Variants in RASAL2 observed in about 807,000 individuals in gnomAD.
RASAL2 encodes the protein RAS protein activator like 2.
In RASAL2, 58 loss-of-function variants were observed where a neutral mutation model predicts 128.9. The observed-to-expected ratio is 0.45, with a 90% confidence interval of 0.36 to 0.56. The LOEUF (loss-of-function observed/expected upper bound fraction) is 0.56. Ranked by LOEUF, RASAL2 falls within the 20% of genes least tolerant of loss-of-function variation. RASAL2 has a pLI of 0.00. For synonymous variants in RASAL2, 561 were observed against 580.8 expected (o/e 0.97, Z 0.49); for missense variants, 1,360 against 1,601.6 (o/e 0.85, Z 2.57).
chr1:178,387,146 G>A (rs549264589), intron 3 of RASAL2, among the ~76,000 whole-genome samples: 1 of 152,286 alleles, frequency 6.6e-6, no homozygotes, highest in African/African-American at 2.4e-5. Context: ...TTCTACACTA[G>A]CAGGTGAGTG....
intron 1 of RASAL2, among the ~76,000 whole-genome samples, chr1:178,149,738 A>G (rs1660849095): frequency 1.3e-5 from 2 of 152,080 alleles, no homozygotes; most frequent in African/African-American, 4.8e-5. Context: ...TTCTAGATGG[A>G]AGGCAGATTT....
At chr1:178,348,913 C>T (rs964601263) in intron 3 of RASAL2, among the ~76,000 whole-genome samples, 26 of 151,174 alleles carry the variant, frequency 1.7e-4, no homozygotes, top group Non-Finnish European at 5.9e-5. Flanking sequence ...CATTCTCCTG[C>T]CTCAGCCTCC....
At chr1:178,376,851 G>A (rs185672095) in intron 3 of RASAL2, among the ~76,000 whole-genome samples, 8 of 152,036 alleles carry the variant, frequency 5.3e-5, no homozygotes, top group Admixed American at 3.3e-4. Context: ...TTGAGACTCG[G>A]GACTTTTCAA....
At chr1:178,346,443 C>A (rs543929608) in intron 3 of RASAL2, among the ~76,000 whole-genome samples, 79 of 151,746 alleles carry the variant, frequency 5.2e-4, no homozygotes, top group African/African-American at 1.8e-3. Flanking sequence ...GAAAAGAAAT[C>A]GCTATATACA....
intron 1 of RASAL2, among the ~76,000 whole-genome samples, chr1:178,231,885 A>G (rs1664023471): frequency 6.6e-6 from 1 of 152,200 alleles, no homozygotes; most frequent in African/African-American, 2.4e-5. Flanking sequence ...TAATATACAA[A>G]TATGTAGATT....
intron 1 of RASAL2, among the ~76,000 whole-genome samples, chr1:178,232,027 CTT>C (rs944534340): frequency 2.0e-5 from 3 of 152,132 alleles, no homozygotes; most frequent in African/African-American, 7.2e-5. Context: ...AAGAAAAAGA[CTT>C]AGTGTGAGAC....
At chr1:178,120,702 C>G (rs1347586226) in intron 1 of RASAL2, among the ~76,000 whole-genome samples, 1 of 152,220 alleles carries the variant, frequency 6.6e-6, no homozygotes, top group African/African-American at 2.4e-5. Flanking sequence ...ATGTTAATCT[C>G]TATTTGCAGC....
At chr1:178,368,211 T>C (rs1332694698) in intron 3 of RASAL2, among the ~76,000 whole-genome samples, 2 of 152,242 alleles carry the variant, frequency 1.3e-5, no homozygotes, top group Non-Finnish European at 1.5e-5. Context: ...AGTTTACGTT[T>C]CATTTCCTGG....
chr1:178,411,577 G>A, intron 4 of RASAL2: 1 of 676,214 alleles, frequency 1.5e-6, no homozygotes, highest in Non-Finnish European at 2.7e-6. Flanking sequence ...TTAAAAAAAT[G>A]AGTGGATGGA....
chr1:178,346,494 T>G (rs1670162698), intron 3 of RASAL2, among the ~76,000 whole-genome samples: 1 of 152,142 alleles, frequency 6.6e-6, no homozygotes, highest in South Asian at 2.1e-4. Context: ...CCACCTGAAG[T>G]CCAGTGAAAT....
intron 11 of RASAL2, among the ~76,000 whole-genome samples, chr1:178,453,028 A>G (rs1292385260): frequency 6.6e-6 from 1 of 152,112 alleles, no homozygotes; most frequent in Admixed American, 6.6e-5. Flanking sequence ...ATCTAAGTAT[A>G]AAAAAAGTTG....
chr1:178,303,203 TG>T (rs1266853631), intron 3 of RASAL2, among the ~76,000 whole-genome samples: 1 of 151,788 alleles, frequency 6.6e-6, no homozygotes, highest in Non-Finnish European at 1.5e-5. Flanking sequence ...CTTTTTGGAG[TG>T]GGGTGGGAAT....
At chr1:178,156,849 TATG>T (rs1661102895) in intron 1 of RASAL2, among the ~76,000 whole-genome samples, 1 of 152,116 alleles carries the variant, frequency 6.6e-6, no homozygotes, top group African/African-American at 2.4e-5. Context: ...TAGAAGCAAA[TATG>T]ATATTAGGAC....
At chr1:178,320,697 C>G (rs975949940) in intron 3 of RASAL2, among the ~76,000 whole-genome samples, 2 of 152,188 alleles carry the variant, frequency 1.3e-5, no homozygotes, top group African/African-American at 4.8e-5. Flanking sequence ...CTGTCTGGCA[C>G]TCCCTAGTGA....
At chr1:178,408,388 G>C (rs561496977) in intron 4 of RASAL2, among the ~76,000 whole-genome samples, 1 of 152,124 alleles carries the variant, frequency 6.6e-6, no homozygotes, top group Non-Finnish European at 1.5e-5. Flanking sequence ...TTTCCTCTTG[G>C]TATCCATCTA....
chr1:178,320,288 C>A (rs1668696780), intron 3 of RASAL2, among the ~76,000 whole-genome samples: 1 of 152,218 alleles, frequency 6.6e-6, no homozygotes, highest in South Asian at 2.1e-4. Context: ...CCTACAGGGG[C>A]AGGCAGGCCT....
At chr1:178,174,160 A>T (rs1344439595) in intron 1 of RASAL2, among the ~76,000 whole-genome samples, 1 of 152,026 alleles carries the variant, frequency 6.6e-6, no homozygotes, top group Non-Finnish European at 1.5e-5. Context: ...ACGTATTAGC[A>T]TATAATTTTT....
intron 3 of RASAL2, among the ~76,000 whole-genome samples, chr1:178,333,268 C>G (rs1202347750): frequency 6.6e-6 from 1 of 151,940 alleles, no homozygotes; most frequent in Non-Finnish European, 1.5e-5. Flanking sequence ...ACCTTGTGAC[C>G]CGCCCGTCTC....
At chr1:178,149,720 T>C (rs1660848005) in intron 1 of RASAL2, among the ~76,000 whole-genome samples, 1 of 152,092 alleles carries the variant, frequency 6.6e-6, no homozygotes, top group Non-Finnish European at 1.5e-5. Flanking sequence ...TCTTTCCTTC[T>C]ACCGCCTTTC....
Sources: allele counts gnomAD v4.1 joint callset (sites outside exome capture counted in the v4.1 genomes callset), GRCh38; gene constraint gnomAD v4.1.1; transcripts MANE v1.5; gene names NCBI Gene and HGNC (gene_info 2026-07-23, HGNC 2026-07-21).